The following FAM222B variants were observed in gnomAD, a reference collection of about 807,000 sequenced individuals.
FAM222B encodes protein FAM222B.
A neutral mutation model predicts 38.0 loss-of-function variants in FAM222B; 12 were observed. The ratio of observed to expected loss-of-function variants is 0.32; its 90% CI spans 0.20 to 0.51. FAM222B has a LOEUF of 0.51. FAM222B is among the 20% of genes least tolerant of loss of function. The pLI, the probability that FAM222B is intolerant of heterozygous loss-of-function variation, is 0.97. For synonymous variants in FAM222B, 329 were observed against 317.2 expected, an observed-to-expected ratio of 1.04 and a Z score of -0.40; for missense variants, 716 against 754.2, an observed-to-expected ratio of 0.95 and a Z score of 0.59.
At chr17:28,828,839 A>C (rs1209187121) in intron 1 of FAM222B, among the ~76,000 whole-genome samples, 1 of 152,010 alleles carries the variant, frequency 6.6e-6, no homozygotes, top group Non-Finnish European at 1.5e-5. Context: ...TACAATCAAA[A>C]TACGGAACAG....
intron 1 of FAM222B, among the ~76,000 whole-genome samples, chr17:28,848,617 G>T (rs974185281): frequency 6.6e-6 from 1 of 151,890 alleles, no homozygotes; most frequent in Non-Finnish European, 1.5e-5. Flanking sequence ...AAATTAGCCG[G>T]TGTGGTGGTG....
rs376901436 is a variant in FAM222B, at chr17:28,759,157, T to C, written c.802A>G (p.Ile268Val). 1 of 1,612,656 alleles carries C rather than the reference T, an allele frequency of 6.2e-7. No individual in the cohort carries two copies. Among genetic ancestry groups the C allele is most frequent in the Non-Finnish European group, 8.5e-7 (1 of 1,179,424 alleles). Reference sequence around the variant, plus strand: ...CAAAACTGGTTGATCTGGTGCACGATGCTACTCAGGTCCGGAGGCTGGCTG... The same window carrying C: ...CAAAACTGGTTGATCTGGTGCACGACGCTACTCAGGTCCGGAGGCTGGCTG... ...QHSQPPDLSS[I>V]VHQINQFCQT... is the part of the protein sequence containing the mutation. The change falls in exon 3 of 3, where the codon ATC becomes GTC. Residue 268 changes from isoleucine (I) to valine (V), a missense_variant. By Grantham distance (29) the Ile-to-Val change is conservative. Coordinates refer to ENST00000581407, the MANE Select transcript of FAM222B (RefSeq NM_001077498.3). This position sits in a 1 kb window ranked among gnomAD's most constrained non-coding sequence, Gnocchi z 4.8.
chr17:28,841,686 G>C (rs994800183), intron 1 of FAM222B, among the ~76,000 whole-genome samples: 4 of 152,152 alleles, frequency 2.6e-5, no homozygotes, highest in African/African-American at 9.7e-5. Flanking sequence ...TTCTCAACTC[G>C]TTAAAGCACA....
chr17:28,817,750 C>G (rs1306598631), intron 1 of FAM222B, among the ~76,000 whole-genome samples: 1 of 152,020 alleles, frequency 6.6e-6, no homozygotes, highest in Non-Finnish European at 1.5e-5. Flanking sequence ...CAAACTACAA[C>G]AGAGAATGCA....
At chr17:28,835,116 G>A (rs1311662031) in intron 1 of FAM222B, among the ~76,000 whole-genome samples, 1 of 151,208 alleles carries the variant, frequency 6.6e-6, no homozygotes, top group East Asian at 2.0e-4. Flanking sequence ...CGTGATCTCA[G>A]CTCACTGCAA....
Position 28,756,579 on chromosome 17 carries a change from C to G in FAM222B, c.*1691G>C, listed in dbSNP as rs1435413403. ...GCCCTGGGTGAGATGGCGGCCAACA[C>G]CTTCGGAGAAGGCATTGAGTCAGAA... On this transcript the variant is annotated 3_prime_UTR_variant, in exon 3 of 3. Coordinates refer to ENST00000581407, the MANE Select transcript of FAM222B (RefSeq NM_001077498.3). 6.6e-6 allele frequency: 1 copy of G among 152,590 alleles called. No individual in the cohort carries two copies. The highest frequency in any genetic ancestry group is 2.4e-5 in the African/African-American group (1 of 41,414). 9.5% of individuals were successfully genotyped at this position (152,590 alleles called of 1,614,324 possible).
At chr17:28,763,371 C>T (rs557845940) in intron 2 of FAM222B, among the ~76,000 whole-genome samples, 1 of 152,356 alleles carries the variant, frequency 6.6e-6, no homozygotes, top group East Asian at 1.9e-4. Flanking sequence ...CTGAGTCTGA[C>T]CACAGACAAC....
intron 1 of FAM222B, among the ~76,000 whole-genome samples, chr17:28,838,576 A>AAAAT (rs1456611909): frequency 7.3e-5 from 11 of 150,630 alleles, no homozygotes; most frequent in East Asian, 2.0e-4. Flanking sequence ...ACTCCATCTC[A>AAAAT]AAATAAATAA....
intron 1 of FAM222B, among the ~76,000 whole-genome samples, chr17:28,787,779 C>T (rs1317930846): frequency 1.3e-5 from 2 of 151,418 alleles, no homozygotes; most frequent in African/African-American, 4.9e-5. Context: ...GAAGCTTCCT[C>T]ATTTCAGGAA....
intron 1 of FAM222B, among the ~76,000 whole-genome samples, chr17:28,796,143 G>A (rs2036929277): frequency 6.6e-6 from 1 of 152,170 alleles, no homozygotes; most frequent in Admixed American, 6.6e-5. Flanking sequence ...TCATACTTCA[G>A]TCTTGGTTTA....
intron 1 of FAM222B, among the ~76,000 whole-genome samples, chr17:28,851,977 A>G (rs2039185177): frequency 6.6e-6 from 1 of 151,672 alleles, no homozygotes; most frequent in African/African-American, 2.4e-5. Context: ...ACCTGAGCCC[A>G]GGAGGTGGAG....
chr17:28,809,817 A>G (rs2037662356), intron 1 of FAM222B, among the ~76,000 whole-genome samples: 1 of 152,134 alleles, frequency 6.6e-6, no homozygotes, highest in Non-Finnish European at 1.5e-5. Context: ...TCTACAAAAC[A>G]TAAAAATTAA....
At chr17:28,835,838 AT>A (rs200257764) in intron 1 of FAM222B, among the ~76,000 whole-genome samples, 1 of 150,362 alleles carries the variant, frequency 6.7e-6, no homozygotes, top group Non-Finnish European at 1.5e-5. Flanking sequence ...CACCCGGCTC[AT>A]TTTTTTTTAT....
At chr17:28,824,811 G>A (rs2038379551) in intron 1 of FAM222B, among the ~76,000 whole-genome samples, 1 of 152,138 alleles carries the variant, frequency 6.6e-6, no homozygotes. Context: ...TTTCGCTCTT[G>A]TTGACCAAGC....
chr17:28,775,328 A>G (rs2035835903), intron 1 of FAM222B, among the ~76,000 whole-genome samples: 1 of 151,974 alleles, frequency 6.6e-6, no homozygotes, highest in South Asian at 2.1e-4. Flanking sequence ...AGTACTGGCA[A>G]AGGCATTTTT....
chr17:28,809,739 G>A (rs2037657455), intron 1 of FAM222B, among the ~76,000 whole-genome samples: 1 of 152,122 alleles, frequency 6.6e-6, no homozygotes, highest in African/African-American at 2.4e-5. Context: ...ACTTTGGGAG[G>A]CCTCTGGGAG....
chr17:28,799,598 C>T (rs527270604), intron 1 of FAM222B, among the ~76,000 whole-genome samples: 48 of 152,130 alleles, frequency 3.2e-4, no homozygotes, highest in African/African-American at 1.1e-3. Context: ...CGTGAGCCAC[C>T]GCGCCCAGCC....
intron 1 of FAM222B, among the ~76,000 whole-genome samples, chr17:28,814,982 C>T (rs1050145030): frequency 1.3e-5 from 2 of 150,820 alleles, no homozygotes; most frequent in Non-Finnish European, 3.0e-5. Context: ...CCATGTTGCC[C>T]AGGCTGATCT....
At chr17:28,852,150 G>A (rs1402593200) in intron 1 of FAM222B, among the ~76,000 whole-genome samples, 3 of 151,534 alleles carry the variant, frequency 2.0e-5, no homozygotes, top group Admixed American at 6.6e-5. Flanking sequence ...GGTGGATCAC[G>A]AGGTCAGGAG....
Sources: allele counts gnomAD v4.1 joint callset (sites outside exome capture counted in the v4.1 genomes callset), GRCh38; gene constraint gnomAD v4.1.1; non-coding constraint Gnocchi (gnomAD v3.1); transcripts MANE v1.5; gene names NCBI Gene and HGNC (gene_info 2026-07-23, HGNC 2026-07-21).